DLG2: variants seen among roughly 807,000 people sequenced by gnomAD.
DLG2 encodes the protein disks large homolog 2.
In DLG2, 45 loss-of-function variants were observed where a neutral mutation model predicts 132.5. The ratio of observed to expected loss-of-function variants is 0.34; its 90% confidence interval spans 0.27 to 0.44. The LOEUF (loss-of-function observed/expected upper bound fraction) is 0.44. DLG2 is among the 20% of genes least tolerant of loss of function. The probability of loss-of-function intolerance (pLI) is 1.00; values close to 1 mark genes in which losing one functional copy is unlikely to be tolerated. For synonymous variants in DLG2, 424 were observed against 419.6 expected (o/e 1.01, Z -0.13); for missense variants, 1,045 against 1,196.9 (o/e 0.87, Z 1.87).
chr11:84,114,127 T>C (rs1555353947), intron 9 of DLG2, among the ~76,000 whole-genome samples: 1 of 151,850 alleles, frequency 6.6e-6, no homozygotes, highest in Non-Finnish European at 1.5e-5. Flanking sequence ...ATTTAATGGG[T>C]TTATTATTAT....
chr11:85,365,778 T>A (rs1389133835), intron 3 of DLG2, among the ~76,000 whole-genome samples: 1 of 152,150 alleles, frequency 6.6e-6, no homozygotes, highest in Non-Finnish European at 1.5e-5. Flanking sequence ...TTCATGTCCT[T>A]TGTAGGAATG....
chr11:84,844,398 A>C (rs900984488), intron 6 of DLG2, among the ~76,000 whole-genome samples: 3 of 151,808 alleles, frequency 2.0e-5, no homozygotes, highest in African/African-American at 7.3e-5. Flanking sequence ...TGGTAATCTC[A>C]GGTAGATGAG....
At chr11:85,387,894 C>CT (rs1277157427) in intron 3 of DLG2, among the ~76,000 whole-genome samples, 2 of 152,176 alleles carry the variant, frequency 1.3e-5, no homozygotes, top group African/African-American at 2.4e-5. Context: ...ACGTCATGAA[C>CT]TTTTCTCCAA....
chr11:83,772,582 GAAAA>G (rs1378832130), intron 18 of DLG2, among the ~76,000 whole-genome samples: 3 of 151,012 alleles, frequency 2.0e-5, no homozygotes, highest in Non-Finnish European at 4.4e-5. Context: ...GAGAAAGAAA[GAAAA>G]GAGAGAGAGG....
intron 8 of DLG2, among the ~76,000 whole-genome samples, chr11:84,220,283 G>T (rs118116841): frequency 6.6e-6 from 1 of 152,070 alleles, no homozygotes; most frequent in African/African-American, 2.4e-5. Flanking sequence ...ACAGATTACC[G>T]ATTTATGTAC....
intron 7 of DLG2, among the ~76,000 whole-genome samples, chr11:84,253,436 T>C (rs1188127138): frequency 1.3e-5 from 2 of 152,196 alleles, no homozygotes; most frequent in African/African-American, 4.8e-5. Context: ...TGGTAAACAG[T>C]ACATTTCAGA....
intron 16 of DLG2, among the ~76,000 whole-genome samples, chr11:83,871,861 C>T (rs897621363): frequency 1.0e-3 from 159 of 152,242 alleles, no homozygotes; most frequent in Non-Finnish European, 9.3e-4. Flanking sequence ...TCAAACTAAT[C>T]TAGCCTATAA....
chr11:84,945,743 C>T (rs1330741425), intron 6 of DLG2, among the ~76,000 whole-genome samples: 1 of 152,126 alleles, frequency 6.6e-6, no homozygotes, highest in Non-Finnish European at 1.5e-5. Context: ...AACACAAGTG[C>T]TTCTTGGCCA....
chr11:84,636,870 C>T (rs1204790858), intron 6 of DLG2, among the ~76,000 whole-genome samples: 5 of 151,708 alleles, frequency 3.3e-5, no homozygotes, highest in Non-Finnish European at 1.5e-5. Flanking sequence ...CAACCTCCCA[C>T]TCCAAGGTTC....
At chr11:84,408,459 C>T (rs1171263044) in intron 7 of DLG2, among the ~76,000 whole-genome samples, 3 of 152,068 alleles carry the variant, frequency 2.0e-5, no homozygotes, top group African/African-American at 7.2e-5. Context: ...CTCATCATTG[C>T]ACATGTTATT....
intron 6 of DLG2, among the ~76,000 whole-genome samples, chr11:84,686,634 T>G (rs1259124096): frequency 1.4e-5 from 2 of 146,110 alleles, no homozygotes; most frequent in East Asian, 4.1e-4. Flanking sequence ...CTTGAGGTTT[T>G]TTTTTTTTTT....
At chr11:84,644,412 A>T (rs368498781) in intron 6 of DLG2, among the ~76,000 whole-genome samples, 1 of 152,128 alleles carries the variant, frequency 6.6e-6, no homozygotes, top group African/African-American at 2.4e-5. Flanking sequence ...TACATGTAAG[A>T]TGTCTTATTG....
intron 6 of DLG2, among the ~76,000 whole-genome samples, chr11:85,008,453 A>G (rs1035393912): frequency 1.3e-4 from 20 of 152,258 alleles, no homozygotes; most frequent in African/African-American, 4.8e-4. Flanking sequence ...TGTAAGATTA[A>G]TAGTATATTT....
intron 4 of DLG2, among the ~76,000 whole-genome samples, chr11:85,217,021 T>G (rs1476092880): frequency 6.6e-6 from 1 of 152,108 alleles, no homozygotes. Flanking sequence ...TAATTCACAT[T>G]TGTATAGTAC....
chr11:83,457,566 A>G lies in DLG2; in HGVS notation c.*2252T>C, dbSNP rs2089209827. ...GATTGTACTTAGCCACAGCAACACT[A>G]GTAAATGGAAAGCACATCACACGAC... On this transcript the variant is annotated 3_prime_UTR_variant, in exon 28 of 28. Transcript: ENST00000376104. The G allele has an allele frequency of 6.6e-6, 1 of 152,632 alleles. No homozygotes were observed. Among genetic ancestry groups the G allele is most frequent in the Non-Finnish European group, 1.5e-5 (1 of 68,032 alleles). The allele number at this position is 152,632 out of a possible 1,614,324, so 9.5% of individuals were successfully genotyped here.
intron 4 of DLG2, among the ~76,000 whole-genome samples, chr11:85,209,490 CCT>C (rs1225108755): frequency 1.5e-5 from 2 of 136,262 alleles, no homozygotes; most frequent in African/African-American, 5.5e-5. Flanking sequence ...TTCTCCCTGC[CCT>C]GTCCCCAGGC....
chr11:85,354,431 A>G (rs1269899371), intron 3 of DLG2, among the ~76,000 whole-genome samples: 2 of 152,124 alleles, frequency 1.3e-5, no homozygotes, highest in Non-Finnish European at 2.9e-5. Context: ...GAAGGCCTAT[A>G]AATTTTCACA....
chr11:84,581,785 T>A (rs1308663325), intron 6 of DLG2, among the ~76,000 whole-genome samples: 2 of 151,914 alleles, frequency 1.3e-5, no homozygotes, highest in African/African-American at 4.8e-5. Context: ...CATGTGCCTG[T>A]ACTCCCAGCT....
At chr11:85,506,441 A>T (rs149810195) in intron 3 of DLG2, among the ~76,000 whole-genome samples, 1,644 of 152,290 alleles carry the variant, frequency 0.011, 26 homozygotes, top group African/African-American at 0.037. Flanking sequence ...GTTTCAAAGG[A>T]CATCTTTATT....
Sources: gnomAD v4.1 joint callset for allele counts (sites outside exome capture counted in the v4.1 genomes callset) on GRCh38, gnomAD v4.1.1 for gene constraint, MANE v1.5 for transcripts, NCBI Gene and HGNC (gene_info 2026-07-23, HGNC 2026-07-21) for gene names.